CSMD1: variants seen among roughly 807,000 people sequenced by gnomAD.
CSMD1 encodes the protein CUB and sushi domain-containing protein 1.
CSMD1 carries 213 observed loss-of-function variants against 417.5 expected under a neutral mutation model. The observed-to-expected ratio is 0.51, with a 90% CI of 0.46 to 0.57. The LOEUF is 0.57. Ranked by LOEUF, CSMD1 falls within the 20% of genes least tolerant of loss-of-function variation. The pLI is 0.00. For synonymous variants in CSMD1, 2,862 were observed against 1,736.8 expected, an observed-to-expected ratio of 1.65 and a Z score of -16.11; for missense variants, 6,923 against 4,529.7, an observed-to-expected ratio of 1.53 and a Z score of -15.17.
At chr8:3,172,231 C>G (rs751691533) in intron 37 of CSMD1, among the ~76,000 whole-genome samples, 1 of 152,162 alleles carries the variant, frequency 6.6e-6, no homozygotes, top group Non-Finnish European at 1.5e-5. Flanking sequence ...CTGCTCACAG[C>G]CCTTCCTTGT....
intron 5 of CSMD1, among the ~76,000 whole-genome samples, chr8:3,778,946 G>C (rs1184922841): frequency 6.6e-6 from 1 of 152,176 alleles, no homozygotes; most frequent in African/African-American, 2.4e-5. Context: ...GTTTCTGGGA[G>C]GACAATCAGC....
At chr8:3,370,492 T>G (rs1389354770) in intron 18 of CSMD1, among the ~76,000 whole-genome samples, 1 of 152,118 alleles carries the variant, frequency 6.6e-6, no homozygotes, top group Non-Finnish European at 1.5e-5. Context: ...ACCTCCACTG[T>G]GATGGTGAAG....
At chr8:4,169,734 G>C (rs1467897334) in intron 3 of CSMD1, among the ~76,000 whole-genome samples, 2 of 152,074 alleles carry the variant, frequency 1.3e-5, no homozygotes, top group South Asian at 2.1e-4. Flanking sequence ...CTCACTTGTG[G>C]AGGTTCAAAC....
intron 2 of CSMD1, among the ~76,000 whole-genome samples, chr8:4,484,086 G>A (rs1009381225): frequency 6.6e-6 from 1 of 151,964 alleles, no homozygotes; most frequent in Non-Finnish European, 1.5e-5. Context: ...AAATGAAAGG[G>A]TGTCTGTTAA....
chr8:4,609,046 T>C (rs1402144292), intron 2 of CSMD1, among the ~76,000 whole-genome samples: 3 of 151,066 alleles, frequency 2.0e-5, no homozygotes, highest in African/African-American at 7.3e-5. Context: ...TCTGAGGAGT[T>C]GGGCTGAAAC....
chr8:4,955,756 C>T (rs12544569), intron 1 of CSMD1, among the ~76,000 whole-genome samples: 24,632 of 108,848 alleles, frequency 0.23, 2,558 homozygotes, highest in Non-Finnish European at 0.32. Context: ...ACGCCCGGGC[C>T]CTCTCTTCCA....
chr8:3,151,652 CAATGCTG>C, intron 39 of CSMD1, 139 bp from the exon 40 acceptor site: 1 of 606,472 alleles, frequency 1.6e-6, no homozygotes, highest in Non-Finnish European at 3.0e-6. Context: ...GCACACGATA[CAATGCTG>C]TGTGCCTTAG....
chr8:4,215,097 C>G (rs1026377065), intron 3 of CSMD1, among the ~76,000 whole-genome samples: 2 of 152,102 alleles, frequency 1.3e-5, no homozygotes, highest in African/African-American at 4.8e-5. Context: ...GCTTCTATTC[C>G]GGACAAGTGA....
chr8:4,283,503 A>C (rs1017945263), intron 3 of CSMD1, among the ~76,000 whole-genome samples: 1 of 152,200 alleles, frequency 6.6e-6, no homozygotes, highest in Admixed American at 6.5e-5. Context: ...GCTTTTGTCC[A>C]ATCATTTTAT....
chr8:4,971,211 A>C (rs912016274), intron 1 of CSMD1, among the ~76,000 whole-genome samples: 2 of 152,088 alleles, frequency 1.3e-5, no homozygotes, highest in African/African-American at 4.8e-5. Flanking sequence ...AATGATATTA[A>C]TGATATCCAG....
At chr8:4,717,070 T>C (rs1030451631) in intron 1 of CSMD1, among the ~76,000 whole-genome samples, 8 of 151,948 alleles carry the variant, frequency 5.3e-5, no homozygotes, top group South Asian at 2.1e-4. Context: ...GAAAAATAAG[T>C]CCTACCTTCT....
At chr8:4,732,233 T>C (rs138994628) in intron 1 of CSMD1, among the ~76,000 whole-genome samples, 112 of 152,262 alleles carry the variant, frequency 7.4e-4, no homozygotes, top group African/African-American at 2.7e-3. Flanking sequence ...TAGAACTCTT[T>C]CTACTCTAAC....
intron 7 of CSMD1, among the ~76,000 whole-genome samples, chr8:3,666,072 C>G (rs930710429): frequency 2.6e-5 from 4 of 152,008 alleles, no homozygotes; most frequent in African/African-American, 7.3e-5. Flanking sequence ...ATTTTTGTAT[C>G]TGTAGTAGAG....
intron 37 of CSMD1, among the ~76,000 whole-genome samples, chr8:3,164,113 T>A (rs1421893009): frequency 6.6e-6 from 1 of 152,026 alleles, no homozygotes; most frequent in Non-Finnish European, 1.5e-5. Flanking sequence ...GAGGGCGAAA[T>A]GGAGAGAGAG....
chr8:3,879,367 CTA>C (rs1341455228), intron 5 of CSMD1, among the ~76,000 whole-genome samples: 2 of 152,130 alleles, frequency 1.3e-5, no homozygotes, highest in African/African-American at 4.8e-5. Flanking sequence ...TAAGGAATCT[CTA>C]TAGACATAAA....
At chr8:4,568,189 G>A (rs750159741) in intron 2 of CSMD1, among the ~76,000 whole-genome samples, 1 of 152,150 alleles carries the variant, frequency 6.6e-6, no homozygotes, top group African/African-American at 2.4e-5. Flanking sequence ...TGCAGAAAGT[G>A]CCAGTTTGAC....
chr8:3,822,115 CA>C (rs1368192111), intron 5 of CSMD1, among the ~76,000 whole-genome samples: 4 of 151,200 alleles, frequency 2.6e-5, no homozygotes, highest in African/African-American at 9.9e-5. Context: ...TTTTTCTGGA[CA>C]ATTTTTTTTC....
Position 2,998,091 on chromosome 8 carries a change from G to A in CSMD1, c.8297C>T (p.Thr2766Met), listed in dbSNP as rs546161313. The change falls in exon 54 of 70, where the codon ACG becomes ATG. Residue 2766 changes from threonine to methionine, a missense_variant. Transcript: ENST00000635120. ...AGACACGCCCTGCAGCAAATAGCCC[G>A]TGTTGCAGGTGAAATTCACGACATC... is the stretch of plus-strand genomic sequence containing the variant. Reference protein sequence around the residue: ...LNDVVNFTCNTGYLLQGVSRA... With the variant: ...LNDVVNFTCNMGYLLQGVSRA... 1.4e-5 allele frequency: 22 copies of A among 1,613,970 alleles called. No homozygotes were observed. Among genetic ancestry groups the A allele is most frequent in the Middle Eastern group, 1.6e-4 (1 of 6,062 alleles).
intron 33 of CSMD1, among the ~76,000 whole-genome samples, chr8:3,192,310 G>C (rs1796472723): frequency 6.6e-6 from 1 of 152,148 alleles, no homozygotes; most frequent in Non-Finnish European, 1.5e-5. Flanking sequence ...TGGTGTTTCA[G>C]GTTTGGAATT....
Sources: allele counts gnomAD v4.1 joint callset (sites outside exome capture counted in the v4.1 genomes callset), GRCh38; gene constraint gnomAD v4.1.1; transcripts MANE v1.5; gene names NCBI Gene and HGNC (gene_info 2026-07-23, HGNC 2026-07-21).